Variants in CHSY3 observed in about 807,000 individuals in gnomAD.
CHSY3 encodes the protein chondroitin sulfate synthase 3.
CHSY3 carries 35 observed loss-of-function variants against 67.2 expected under a neutral mutation model. The observed-to-expected ratio is 0.52, with a 90% confidence interval of 0.40 to 0.69. The LOEUF is 0.69. Among genes scored for constraint, CHSY3 ranks in the 30% least tolerant of loss-of-function variants. CHSY3 has a pLI of 0.00. For synonymous variants in CHSY3, 474 were observed against 434.7 expected, an observed-to-expected ratio of 1.09 and a Z score of -1.12; for missense variants, 1,069 against 1,138.5, an observed-to-expected ratio of 0.94 and a Z score of 0.88.
At chr5:130,131,170 C>T (rs536793769) in intron 2 of CHSY3, among the ~76,000 whole-genome samples, 76 of 152,264 alleles carry the variant, frequency 5.0e-4, no homozygotes, top group Non-Finnish European at 9.7e-4. Context: ...AGAGTCTTCT[C>T]CACCTTAGGA....
chr5:129,917,037 CA>C (rs1760752963), intron 2 of CHSY3, among the ~76,000 whole-genome samples: 1 of 152,124 alleles, frequency 6.6e-6, no homozygotes, highest in Admixed American at 6.5e-5. Context: ...AAAATAAAGA[CA>C]TTTTTAGTAA....
intron 2 of CHSY3, among the ~76,000 whole-genome samples, chr5:129,985,020 G>A (rs1353101584): frequency 2.0e-5 from 3 of 152,104 alleles, no homozygotes; most frequent in Admixed American, 6.6e-5. Context: ...AAGCTGTTTA[G>A]TTTAATTAGG....
At position 130,090,208 on chromosome 5, in the gene CHSY3, G is replaced by T. The variant is rs114036107; in HGVS notation, c.1087-94021G>T. Among the ~76,000 whole-genome samples the T allele has an allele frequency of 8.1e-3, 1,240 of 152,286 alleles. 24 individuals carry two copies. The highest frequency in any genetic ancestry group is 0.028 in the African/African-American group (1,163 of 41,556). ...CACTAGGCTACCTCTCCATTGGAGA[G>T]TTACAAGAGAGAGAAGAGGTAATGG... On this transcript the variant is annotated intron_variant, in intron 2 of 2. Coordinates refer to ENST00000305031, the MANE Select transcript of CHSY3 (RefSeq NM_175856.5).
At chr5:129,932,142 A>ATGTG (rs1554070921) in intron 2 of CHSY3, among the ~76,000 whole-genome samples, 1 of 120,488 alleles carries the variant, frequency 8.3e-6, no homozygotes, top group African/African-American at 3.1e-5. Flanking sequence ...ATATATATAT[A>ATGTG]TGTATATGAG....
rs1765864350 is a variant in CHSY3, at chr5:130,065,771, A to T, written c.1087-118458A>T. On this transcript the variant is annotated intron_variant, in intron 2 of 2. Coordinates refer to ENST00000305031, the MANE Select transcript of CHSY3 (RefSeq NM_175856.5). ...TATGCTCCTAAATTTATTGTCTGACATCATTGTTTAATCACAGCCATTCAT... is the reference window on the plus strand; with the variant it reads ...TATGCTCCTAAATTTATTGTCTGACTTCATTGTTTAATCACAGCCATTCAT... Among the ~76,000 whole-genome samples, 3 of 152,140 alleles carry T rather than the reference A, an allele frequency of 2.0e-5. No homozygotes were observed. The South Asian group carries it at 6.2e-4, about 31-fold the overall frequency.
chr5:130,073,622 T>A (rs991134637), intron 2 of CHSY3, among the ~76,000 whole-genome samples: 6 of 152,160 alleles, frequency 3.9e-5, no homozygotes, highest in Middle Eastern at 3.4e-3. Flanking sequence ...ATGGTCACTT[T>A]GAAAAATAAT....
intron 2 of CHSY3, among the ~76,000 whole-genome samples, chr5:130,143,100 T>G (rs1768918881): frequency 6.6e-6 from 1 of 152,162 alleles, no homozygotes; most frequent in African/African-American, 2.4e-5. Context: ...TTCAAAAAAA[T>G]AAATCCTTAA....
chr5:129,999,136 T>G (rs1428821308), intron 2 of CHSY3, among the ~76,000 whole-genome samples: 1 of 151,486 alleles, frequency 6.6e-6, no homozygotes, highest in African/African-American at 2.4e-5. Context: ...TTTTTTTTTT[T>G]TGTTTCCTGT....
chr5:130,095,392 G>C (rs1330821174), intron 2 of CHSY3, among the ~76,000 whole-genome samples: 3 of 152,172 alleles, frequency 2.0e-5, no homozygotes, highest in African/African-American at 2.4e-5. Context: ...AAAGTGCCAG[G>C]TGCTAAACAT....
chr5:130,055,911 C>T (rs569405800), intron 2 of CHSY3, among the ~76,000 whole-genome samples: 3 of 152,128 alleles, frequency 2.0e-5, no homozygotes, highest in South Asian at 2.1e-4. Flanking sequence ...CAAGGGACAA[C>T]GTATGATAAA....
chr5:130,013,902 A>C (rs1764137388), intron 2 of CHSY3, among the ~76,000 whole-genome samples: 1 of 152,206 alleles, frequency 6.6e-6, no homozygotes, highest in African/African-American at 2.4e-5. Context: ...ATCAGGCGGA[A>C]AATTTTCCAA....
At chr5:130,008,753 A>G (rs762152535) in intron 2 of CHSY3, among the ~76,000 whole-genome samples, 38 of 152,336 alleles carry the variant, frequency 2.5e-4, no homozygotes, top group Non-Finnish European at 4.4e-4. Context: ...TGAAATAGCC[A>G]TTTTAAGAAA....
chr5:130,100,278 G>A (rs959077029), intron 2 of CHSY3, among the ~76,000 whole-genome samples: 7 of 151,910 alleles, frequency 4.6e-5, no homozygotes, highest in South Asian at 2.1e-4. Context: ...GCTGCCTCCC[G>A]GGTTCATGCC....
At chr5:129,935,103 A>C (rs2045326895) in intron 2 of CHSY3, among the ~76,000 whole-genome samples, 1 of 152,222 alleles carries the variant, frequency 6.6e-6, no homozygotes, top group South Asian at 2.1e-4. Flanking sequence ...CTTGGTAGTT[A>C]TCTCTCATTA....
intron 2 of CHSY3, among the ~76,000 whole-genome samples, chr5:130,049,928 T>C (rs1580684346): frequency 6.6e-6 from 1 of 152,060 alleles, no homozygotes; most frequent in Non-Finnish European, 1.5e-5. Flanking sequence ...AAAATTTCTC[T>C]ATGGTTTGTA....
At chr5:129,950,128 A>G (rs1761983339) in intron 2 of CHSY3, among the ~76,000 whole-genome samples, 1 of 150,392 alleles carries the variant, frequency 6.6e-6, no homozygotes, top group Non-Finnish European at 1.5e-5. Context: ...AGATTGCGCC[A>G]CTGCACTCCA....
chr5:129,917,547 T>C (rs1275461360), intron 2 of CHSY3, among the ~76,000 whole-genome samples: 2 of 152,230 alleles, frequency 1.3e-5, no homozygotes, highest in Non-Finnish European at 2.9e-5. Context: ...TTGTGAGGCA[T>C]AAAAAGGTCA....
At chr5:129,941,772 T>G (rs1336482852) in intron 2 of CHSY3, among the ~76,000 whole-genome samples, 1 of 152,098 alleles carries the variant, frequency 6.6e-6, no homozygotes, top group African/African-American at 2.4e-5. Flanking sequence ...AGTGTAAGAT[T>G]GCATGGGTTG....
chr5:129,908,986 A>C (rs967093303), intron 2 of CHSY3, among the ~76,000 whole-genome samples: 2 of 152,162 alleles, frequency 1.3e-5, no homozygotes, highest in Admixed American at 6.5e-5. Context: ...AATGGTGTGC[A>C]GTAGCTGCTT....
Sources: gnomAD v4.1 joint callset for allele counts (sites outside exome capture counted in the v4.1 genomes callset) on GRCh38, gnomAD v4.1.1 for gene constraint, MANE v1.5 for transcripts, NCBI Gene and HGNC (gene_info 2026-07-23, HGNC 2026-07-21) for gene names.